Variants in GLDC observed in about 807,000 individuals in gnomAD.
GLDC encodes the protein glycine decarboxylase, also known as glycine dehydrogenase (decarboxylating), mitochondrial.
GLDC carries 104 observed loss-of-function variants against 121.3 expected under a neutral mutation model. That is an observed-to-expected ratio of 0.86 (90% confidence interval 0.73 to 1.01). The LOEUF is 1.01. Among genes scored for constraint, GLDC ranks in the 50% least tolerant of loss-of-function variants. The probability of loss-of-function intolerance (pLI) is 0.00; values close to 1 mark genes in which losing one functional copy is unlikely to be tolerated. For missense variants in GLDC, 1,429 were observed against 1,306.6 expected (o/e 1.09, Z -1.44); for synonymous variants, 546 against 480.6 (o/e 1.14, Z -1.78).
chr9:6,589,551 C>T (rs1049689459), intron 11 of GLDC, among the ~76,000 whole-genome samples: 1 of 152,132 alleles, frequency 6.6e-6, no homozygotes, highest in Non-Finnish European at 1.5e-5. Context: ...CCTCAGTCTC[C>T]TGAGTAGCTG....
At chr9:6,614,151 T>C (rs1434391374) in intron 3 of GLDC, among the ~76,000 whole-genome samples, 1 of 152,206 alleles carries the variant, frequency 6.6e-6, no homozygotes, top group Non-Finnish European at 1.5e-5. Context: ...AGCATATCTG[T>C]CTGCATTCTC....
chr9:6,556,266 T>A lies in GLDC; in HGVS notation c.2089A>T (p.Ile697Phe). Residue 697 changes from isoleucine (I) to phenylalanine (F), a missense_variant, in exon 18 of 25, where the codon ATT becomes TTT. Ile to Phe is a conservative substitution (Grantham distance 21). Coordinates refer to ENST00000321612, the MANE Select transcript of GLDC (RefSeq NM_000170.3). ...KHKENLAAIMITYPSTNGVFE... is the reference protein window; with the variant it reads ...KHKENLAAIMFTYPSTNGVFE... The stretch of plus-strand genomic sequence containing the variant: ...ACCCCATTGGTGGATGGGTATGTAA[T>A]CATGATAGCTGCTAGGTTCTCCTTG... 1 of 1,613,520 alleles carries A rather than the reference T, an allele frequency of 6.2e-7. No individual in the cohort carries two copies. The highest frequency in any genetic ancestry group is 8.5e-7 in the Non-Finnish European group (1 of 1,179,472).
intron 2 of GLDC, among the ~76,000 whole-genome samples, chr9:6,643,599 A>C (rs1340077293): frequency 6.6e-6 from 1 of 151,920 alleles, no homozygotes; most frequent in African/African-American, 2.4e-5. Context: ...ATGGAAGTCA[A>C]ATACCCACAT....
At chr9:6,632,820 T>G (rs1819415676) in intron 2 of GLDC, among the ~76,000 whole-genome samples, 1 of 152,180 alleles carries the variant, frequency 6.6e-6, no homozygotes, top group South Asian at 2.1e-4. Context: ...TCGGCTGAAC[T>G]CAGTCACCAC....
intron 20 of GLDC, among the ~76,000 whole-genome samples, chr9:6,551,187 T>A (rs1307567380): frequency 6.6e-6 from 1 of 152,254 alleles, no homozygotes; most frequent in African/African-American, 2.4e-5. Context: ...TACTGACTAC[T>A]GTGTTATCTA....
intron 19 of GLDC, 121 bp downstream of exon 19, chr9:6,554,548 G>A: frequency 3.9e-6 from 3 of 771,162 alleles, no homozygotes; most frequent in South Asian, 2.9e-5. Context: ...CCCTACAAGT[G>A]CACTACACCG....
At position 6,564,557 on chromosome 9, in the gene GLDC, G is replaced by A. The variant is rs142352168; in HGVS notation, c.1926+797C>T. On this transcript the variant is annotated intron_variant, in intron 16 of 24. Transcript: ENST00000321612. ...CTGCAACTCTCTAGTATCAGCAGATGCTTTTGCCCTGCTCTCGGCTCCTAG... is the reference window on the plus strand; with the variant it reads ...CTGCAACTCTCTAGTATCAGCAGATACTTTTGCCCTGCTCTCGGCTCCTAG... Among the ~76,000 whole-genome samples the A allele has an allele frequency of 9.1e-4, 138 of 152,276 alleles. 2 individuals carry two copies. In the East Asian group the frequency reaches 0.024, roughly 26 times the overall value.
chr9:6,569,588 G>A (rs1037728730), intron 15 of GLDC, among the ~76,000 whole-genome samples: 1 of 152,184 alleles, frequency 6.6e-6, no homozygotes, highest in Admixed American at 6.5e-5. Flanking sequence ...GGAGGCGGAG[G>A]TTGCAGCGAG....
intron 21 of GLDC, among the ~76,000 whole-genome samples, chr9:6,547,959 G>A (rs899108048): frequency 5.9e-5 from 9 of 152,032 alleles, no homozygotes; most frequent in African/African-American, 2.2e-4. Flanking sequence ...GCAAGACCCC[G>A]TCTCTACAAA....
chr9:6,640,027 A>T (rs1347651471), intron 2 of GLDC, among the ~76,000 whole-genome samples: 1 of 152,164 alleles, frequency 6.6e-6, no homozygotes, highest in Non-Finnish European at 1.5e-5. Context: ...CAATCACATC[A>T]GTTGCCCGAC....
At chr9:6,622,978 C>G (rs549126016) in intron 2 of GLDC, 49 of 189,562 alleles carry the variant, frequency 2.6e-4, no homozygotes, top group African/African-American at 5.6e-4. Flanking sequence ...GCAGCCACCC[C>G]GTCCGGGAGG....
At chr9:6,548,155 T>C (rs1036335649) in intron 21 of GLDC, among the ~76,000 whole-genome samples, 3 of 152,130 alleles carry the variant, frequency 2.0e-5, no homozygotes, top group African/African-American at 7.2e-5. Context: ...TGATCAATTG[T>C]ACAAACAAAG....
intron 7 of GLDC, among the ~76,000 whole-genome samples, chr9:6,603,366 G>C (rs7872165): frequency 0.37 from 56,439 of 151,778 alleles, 12,974 homozygotes; most frequent in African/African-American, 0.64. Context: ...CTGGTAATCC[G>C]AGCATTTTGG....
chr9:6,639,033 C>T (rs1819571005), intron 2 of GLDC: 6 of 562,438 alleles, frequency 1.1e-5, no homozygotes, highest in Non-Finnish European at 9.5e-6. Flanking sequence ...AGTATATCCT[C>T]AGAGTGTCTT....
intron 2 of GLDC, among the ~76,000 whole-genome samples, chr9:6,622,625 C>A (rs1216357296): frequency 6.6e-6 from 1 of 152,186 alleles, no homozygotes; most frequent in Non-Finnish European, 1.5e-5. Context: ...GCCTTGGCCT[C>A]CCAAAGTGCC....
At chr9:6,626,350 C>G (rs1439876812) in intron 2 of GLDC, among the ~76,000 whole-genome samples, 2 of 151,882 alleles carry the variant, frequency 1.3e-5, no homozygotes, top group Admixed American at 6.6e-5. Flanking sequence ...AGTCAAGAAG[C>G]GCAATTGACT....
chr9:6,536,061 C>A lies in GLDC; in HGVS notation c.2838+3G>T. The A allele has an allele frequency of 6.2e-7, 1 of 1,612,152 alleles. No individual in the cohort carries two copies. Among genetic ancestry groups the A allele is most frequent in the Non-Finnish European group, 8.5e-7 (1 of 1,178,794 alleles). ...TTCAAGCAATGTTCCAGGGCCTACG[C>A]ACCTTCAGCGGATTGACCCTGGGGT... On this transcript the variant is annotated splice_donor_region_variant and intron_variant, in intron 23 of 24. Coordinates refer to ENST00000321612, the MANE Select transcript of GLDC (RefSeq NM_000170.3).
chr9:6,605,521 T>C (rs1286100878), intron 5 of GLDC, among the ~76,000 whole-genome samples: 1 of 152,162 alleles, frequency 6.6e-6, no homozygotes, highest in Non-Finnish European at 1.5e-5. Context: ...CCCTTTCCTG[T>C]CACAATCTAC....
In GLDC at chr9:6,568,190, T is replaced by TTC. The variant is rs145587460; in HGVS notation, c.1851-2763_1851-2762dup. Among the ~76,000 whole-genome samples, 301 of 149,574 alleles carry TTC rather than the reference T, an allele frequency of 2.0e-3. 6 individuals are homozygous for TTC. In the East Asian group the frequency reaches 0.034, roughly 17 times the overall value. On this transcript the variant is annotated intron_variant, in intron 15 of 24. Coordinates refer to ENST00000321612, the MANE Select transcript of GLDC (RefSeq NM_000170.3). ...AAAGACTTGATCAGAAATGCTGGAT[T>TTC]TCTCTCTCTCTCTCTCTCTCTGGCC... is the stretch of plus-strand genomic sequence containing the variant.
Sources: allele counts gnomAD v4.1 joint callset (sites outside exome capture counted in the v4.1 genomes callset), GRCh38; gene constraint gnomAD v4.1.1; transcripts MANE v1.5; gene names NCBI Gene and HGNC (gene_info 2026-07-23, HGNC 2026-07-21).